CAPN9: variants seen among roughly 807,000 people sequenced by gnomAD.
CAPN9 encodes the protein calpain-9.
A neutral mutation model predicts 92.8 loss-of-function variants in CAPN9; 81 were observed. That is an observed-to-expected ratio of 0.87 (90% confidence interval 0.73 to 1.05). The LOEUF is 1.05. Ranked by LOEUF, CAPN9 falls within the 50% of genes least tolerant of loss-of-function variation. The pLI is 0.00. For missense variants in CAPN9, 848 were observed against 866.2 expected (o/e 0.98, Z 0.26); for synonymous variants, 304 against 328.0 (o/e 0.93, Z 0.79).
rs572327371 is a variant in CAPN9, at chr1:230,788,263, C to T, written c.1599+661C>T. On this transcript the variant is annotated intron_variant, in intron 13 of 19. Coordinates refer to ENST00000271971, the MANE Select transcript of CAPN9 (RefSeq NM_006615.3). ...CTCTGTTTGCTGTAGTAAAGGGGAT[C>T]ATGTTCAAGGAGGTCCCTATTCAAT... Among the ~76,000 whole-genome samples the T allele has an allele frequency of 3.3e-3, 503 of 152,266 alleles. 2 individuals carry two copies. Among genetic ancestry groups the T allele is most frequent in the Non-Finnish European group, 5.5e-3 (375 of 68,020 alleles).
Position 230,780,627 on chromosome 1 carries a change from T to G in CAPN9, c.1400T>G (p.Ile467Ser), listed in dbSNP as rs149599568. Residue 467 changes from isoleucine to serine, a missense_variant, in exon 11 of 20, where the codon ATC (isoleucine) becomes AGC (serine). Coordinates refer to ENST00000271971, the MANE Select transcript of CAPN9 (RefSeq NM_006615.3). Reference protein sequence around the residue: ...DRFKLPPGEYILIPSTFEPHQ... With the variant: ...DRFKLPPGEYSLIPSTFEPHQ... ...TTCAAGCTGCCCCCTGGGGAGTACATCCTGATTCCCAGCACTTTTGAGCCC... is the reference window on the plus strand; with the variant it reads ...TTCAAGCTGCCCCCTGGGGAGTACAGCCTGATTCCCAGCACTTTTGAGCCC... 1 of 1,614,138 alleles carries G rather than the reference T, an allele frequency of 6.2e-7. No individual in the cohort carries two copies.
rs1244401827 is a variant in CAPN9 at position 230,751,669 on chromosome 1, AAGAAAG to A, written c.214-3666_214-3661del. ...AAAGAAAGAAAGAAAGAAAGAAAGA[AAGAAAG>A]AAAGAAAGAAGGGTGGCTTTTCCCT... is the stretch of plus-strand genomic sequence containing the variant. On this transcript the variant is annotated intron_variant, in intron 1 of 19. Coordinates refer to ENST00000271971, the MANE Select transcript of CAPN9 (RefSeq NM_006615.3). Among the ~76,000 whole-genome samples, 6 of 53,852 alleles carry A rather than the reference AAGAAAG, an allele frequency of 1.1e-4. No individual in the cohort carries two copies. In the East Asian group the frequency reaches 1.6e-3, roughly 14 times the overall value. 35.3% of individuals were successfully genotyped at this position (53,852 alleles called of 152,430 possible). A position where few individuals can be genotyped will look rare whatever the true frequency, so the allele number is the denominator to read the frequency against.
At chr1:230,787,439 G>A in intron 12 of CAPN9, 83 bp from the exon 13 acceptor site, 1 of 1,181,572 alleles carries the variant, frequency 8.5e-7, no homozygotes, top group Non-Finnish European at 1.2e-6. Context: ...TGGGCACACA[G>A]GCTCCTGGCT....
chr1:230,772,770 A>G (rs1666475325), intron 7 of CAPN9, among the ~76,000 whole-genome samples: 1 of 151,714 alleles, frequency 6.6e-6, no homozygotes. Flanking sequence ...TTTAAAGGAA[A>G]AAAAATAGAG....
intron 7 of CAPN9, among the ~76,000 whole-genome samples, chr1:230,773,192 A>G (rs1312565495): frequency 6.6e-6 from 1 of 152,140 alleles, no homozygotes; most frequent in Non-Finnish European, 1.5e-5. Context: ...TGTGCTTTCC[A>G]GGCTGTCATT....
chr1:230,759,495 T>C lies in CAPN9; in HGVS notation c.284-17T>C. 6.4e-7 allele frequency: 1 copy of C among 1,559,934 alleles called. No individual in the cohort carries two copies. Among genetic ancestry groups the C allele is most frequent in the Non-Finnish European group, 8.7e-7 (1 of 1,145,278 alleles). ...AAATAGCAATGAAAATTGTGATTTATGGCTTCCATTTTGCAGGAGACTGCT... is the reference window on the plus strand; with the variant it reads ...AAATAGCAATGAAAATTGTGATTTACGGCTTCCATTTTGCAGGAGACTGCT... On this transcript the variant is annotated splice_polypyrimidine_tract_variant and intron_variant, in intron 2 of 19. Transcript: ENST00000271971.
chr1:230,790,798 A>ACAAT (rs1317247238), intron 14 of CAPN9, among the ~76,000 whole-genome samples: 7 of 152,128 alleles, frequency 4.6e-5, no homozygotes, highest in African/African-American at 9.7e-5. Context: ...ACACACACAC[A>ACAAT]CAATCAGCCA....
intron 7 of CAPN9, among the ~76,000 whole-genome samples, chr1:230,773,055 G>C (rs1376546914): frequency 6.6e-6 from 1 of 152,100 alleles, no homozygotes; most frequent in African/African-American, 2.4e-5. Flanking sequence ...TCTGAAGCTA[G>C]TCTAGAACTT....
At chr1:230,784,317 A>G (rs12035692) in intron 11 of CAPN9, among the ~76,000 whole-genome samples, 13,716 of 152,310 alleles carry the variant, frequency 0.09, 892 homozygotes, top group East Asian at 0.26. Context: ...TTACATAACT[A>G]AAAAGAGCCA....
In CAPN9 at chr1:230,767,555, A is replaced by G. The variant is rs1427789942; in HGVS notation, c.551A>G (p.Tyr184Cys). The G allele has an allele frequency of 6.2e-7, 1 of 1,611,566 alleles. No homozygotes were observed. The highest frequency in any genetic ancestry group is 1.3e-5 in the African/African-American group (1 of 74,668). ...EKAYAKLNGS[Y>C]EALKGGSAIE... ...CACCCTTGCAGGCTAAATGGGAGCT[A>G]TGAAGCTCTGAAGGGAGGCAGCGCC... Residue 184 changes from tyrosine (Y) to cysteine (C), a missense_variant, in exon 5 of 20, where the codon TAT (tyrosine) becomes TGT (cysteine). By Grantham distance (194) the Tyr-to-Cys change is radical. Coordinates refer to ENST00000271971, the MANE Select transcript of CAPN9 (RefSeq NM_006615.3).
At position 230,757,895 on chromosome 1, in the gene CAPN9, G is replaced by A. The variant is rs576255396; in HGVS notation, c.284-1617G>A. On this transcript the variant is annotated intron_variant, in intron 2 of 19. Coordinates refer to ENST00000271971, the MANE Select transcript of CAPN9 (RefSeq NM_006615.3). ...GTATGGGGTCCCTGAGAACCCAAGA[G>A]GCACAGCGTTCCCCCTGCAGTGAGC... Among the ~76,000 whole-genome samples the A allele has an allele frequency of 2.9e-4, 44 of 152,052 alleles. No individual in the cohort carries two copies. The South Asian group carries it at 8.5e-3, about 29-fold the overall frequency.
chr1:230,773,785 A>C (rs1018580196), intron 7 of CAPN9, among the ~76,000 whole-genome samples: 33 of 151,882 alleles, frequency 2.2e-4, no homozygotes, highest in African/African-American at 6.8e-4. Flanking sequence ...TCACCTGAGC[A>C]CTCCCCTGAG....
chr1:230,797,363 T>C (rs994907248), intron 18 of CAPN9, among the ~76,000 whole-genome samples: 20 of 152,138 alleles, frequency 1.3e-4, no homozygotes, highest in African/African-American at 4.6e-4. Context: ...TTCATACCAT[T>C]TGCACACCTA....
chr1:230,753,483 A>G (rs1664983188), intron 1 of CAPN9, among the ~76,000 whole-genome samples: 1 of 152,134 alleles, frequency 6.6e-6, no homozygotes, highest in African/African-American at 2.4e-5. Context: ...TGGTCCTGAT[A>G]ATCCCCTTGA....
chr1:230,791,032 C>T (rs764507320), intron 14 of CAPN9, among the ~76,000 whole-genome samples: 1 of 152,218 alleles, frequency 6.6e-6, no homozygotes, highest in East Asian at 1.9e-4. Context: ...CCAGGTCCAT[C>T]CATGCTGTAG....
intron 13 of CAPN9, among the ~76,000 whole-genome samples, chr1:230,788,364 C>T (rs1190368164): frequency 6.6e-6 from 1 of 152,148 alleles, no homozygotes; most frequent in Non-Finnish European, 1.5e-5. Flanking sequence ...TGGATGGAGC[C>T]TCACACAGAT....
In CAPN9 at chr1:230,787,616, C is replaced by T; in HGVS notation, c.1599+14C>T. On this transcript the variant is annotated intron_variant, in intron 13 of 19. Coordinates refer to ENST00000271971, the MANE Select transcript of CAPN9 (RefSeq NM_006615.3). Reference sequence around the variant, plus strand: ...GTCGCTGGTGAGGTAGGACATGCCCCACTTCCATCTCCCCACCAGGCTGAG... The same window carrying T: ...GTCGCTGGTGAGGTAGGACATGCCCTACTTCCATCTCCCCACCAGGCTGAG... The T allele has an allele frequency of 6.2e-7, 1 of 1,609,204 alleles. No individual in the cohort carries two copies. Among genetic ancestry groups the T allele is most frequent in the East Asian group, 2.2e-5 (1 of 44,856 alleles).
At chr1:230,748,962 TTGTG>T (rs1664598297) in intron 1 of CAPN9, among the ~76,000 whole-genome samples, 1 of 152,152 alleles carries the variant, frequency 6.6e-6, no homozygotes, top group African/African-American at 2.4e-5. Context: ...GTGCACGCAC[TTGTG>T]TGTGTAGGAA....
At position 230,792,513 on chromosome 1, in the gene CAPN9, G is replaced by A; in HGVS notation, c.1791+19G>A. 6.2e-7 allele frequency: 1 copy of A among 1,605,664 alleles called. No homozygotes were observed. The highest frequency in any genetic ancestry group is 8.5e-7 in the Non-Finnish European group (1 of 1,172,382). On this transcript the variant is annotated intron_variant, in intron 16 of 19. Coordinates refer to ENST00000271971, the MANE Select transcript of CAPN9 (RefSeq NM_006615.3). ...GTGGATTGTATGTAACCTGGAGCAGGGCTTGGCCTCTGGGGGACCCAGTGA... is the reference window on the plus strand; with the variant it reads ...GTGGATTGTATGTAACCTGGAGCAGAGCTTGGCCTCTGGGGGACCCAGTGA...
Sources: gnomAD v4.1 joint callset for allele counts (sites outside exome capture counted in the v4.1 genomes callset) on GRCh38, gnomAD v4.1.1 for gene constraint, MANE v1.5 for transcripts, NCBI Gene and HGNC (gene_info 2026-07-23, HGNC 2026-07-21) for gene names.